Variants in SYT14 observed in about 807,000 individuals in gnomAD.
SYT14 encodes the protein synaptotagmin-14.
In SYT14, 32 loss-of-function variants were observed where a neutral mutation model predicts 74.2. That is an observed-to-expected ratio of 0.43 (90% CI 0.33 to 0.58). The LOEUF (loss-of-function observed/expected upper bound fraction) is 0.58. Among genes scored for constraint, SYT14 ranks in the 20% least tolerant of loss-of-function variants. The probability of loss-of-function intolerance (pLI) is 0.05; values close to 1 mark genes in which losing one functional copy is unlikely to be tolerated. For missense variants in SYT14, 791 were observed against 981.8 expected, an observed-to-expected ratio of 0.81 and a Z score of 2.60; for synonymous variants, 298 against 337.7, an observed-to-expected ratio of 0.88 and a Z score of 1.29.
At chr1:210,107,293 CTT>C (rs1253798695) in intron 7 of SYT14, among the ~76,000 whole-genome samples, 1 of 152,202 alleles carries the variant, frequency 6.6e-6, no homozygotes, top group Non-Finnish European at 1.5e-5. Context: ...GCAACAGTCT[CTT>C]TGTAGATAGA....
chr1:210,086,059 A>G (rs975996579), intron 5 of SYT14, among the ~76,000 whole-genome samples: 1 of 152,184 alleles, frequency 6.6e-6, no homozygotes, highest in Non-Finnish European at 1.5e-5. Context: ...TTTCTGTAAT[A>G]GATAAAAGAT....
chr1:210,013,310 G>A (rs1282445439), intron 2 of SYT14, among the ~76,000 whole-genome samples: 1 of 151,672 alleles, frequency 6.6e-6, no homozygotes. Context: ...GCCTCAAGAG[G>A]TTCTCCCACT....
At chr1:210,100,833 A>T (rs538938468) in intron 7 of SYT14, among the ~76,000 whole-genome samples, 1 of 152,170 alleles carries the variant, frequency 6.6e-6, no homozygotes, top group Non-Finnish European at 1.5e-5. Flanking sequence ...ATTAAGAAGT[A>T]TCAGCCCCAT....
chr1:209,951,482 T>G (rs2078911102), intron 1 of SYT14, among the ~76,000 whole-genome samples: 1 of 152,204 alleles, frequency 6.6e-6, no homozygotes, highest in South Asian at 2.1e-4. Context: ...TTTTTTAGAC[T>G]GCATAGTATT....
intron 2 of SYT14, among the ~76,000 whole-genome samples, chr1:209,982,780 T>C (rs1273781489): frequency 6.6e-6 from 1 of 152,182 alleles, no homozygotes; most frequent in African/African-American, 2.4e-5. Context: ...CAAACTGTCT[T>C]TTAGAGTCGC....
intron 6 of SYT14, among the ~76,000 whole-genome samples, chr1:210,095,388 A>C (rs1305111527): frequency 4.6e-5 from 7 of 152,106 alleles, no homozygotes. Context: ...CAAGTAACTG[A>C]TACTACAGGT....
chr1:210,003,211 A>G (rs186702437), intron 2 of SYT14, among the ~76,000 whole-genome samples: 1 of 152,270 alleles, frequency 6.6e-6, no homozygotes, highest in Admixed American at 6.5e-5. Context: ...CAACTTTGTC[A>G]TACATCAGAA....
intron 5 of SYT14, among the ~76,000 whole-genome samples, chr1:210,087,851 C>T (rs919084240): frequency 1.3e-5 from 2 of 152,170 alleles, no homozygotes; most frequent in African/African-American, 2.4e-5. Context: ...CTTCCTTTGC[C>T]ACCATCAGTG....
At chr1:210,120,002 C>G (rs1218203053) in intron 7 of SYT14, among the ~76,000 whole-genome samples, 2 of 152,182 alleles carry the variant, frequency 1.3e-5, no homozygotes, top group Non-Finnish European at 2.9e-5. Flanking sequence ...ATCCTCTGAT[C>G]TTACAAAAGG....
At chr1:210,019,007 G>A (rs2080246498) in intron 4 of SYT14, among the ~76,000 whole-genome samples, 1 of 151,624 alleles carries the variant, frequency 6.6e-6, no homozygotes, top group Non-Finnish European at 1.5e-5. Context: ...ATGGTGGTGG[G>A]TGCTTATAAT....
At chr1:210,163,534 C>CTTTTT (rs2083415384) in exon 10 of SYT14, 2 of 453,416 alleles carry the variant, frequency 4.4e-6, no homozygotes, top group Non-Finnish European at 8.8e-6. Context: ...GGTGCCCTGG[C>CTTTTT]TTTTTCAGAT....
intron 5 of SYT14, among the ~76,000 whole-genome samples, chr1:210,055,051 A>G (rs1287954257): frequency 6.6e-6 from 1 of 152,170 alleles, no homozygotes; most frequent in Non-Finnish European, 1.5e-5. Context: ...CTTCTAAGGT[A>G]CTAATGCCTT....
intron 7 of SYT14, among the ~76,000 whole-genome samples, chr1:210,149,996 A>T (rs2083125852): frequency 6.6e-6 from 1 of 152,146 alleles, no homozygotes. Flanking sequence ...CACAGTACCC[A>T]GATTTTGGTT....
chr1:210,008,290 T>C (rs923350250), intron 2 of SYT14, among the ~76,000 whole-genome samples: 5 of 152,244 alleles, frequency 3.3e-5, no homozygotes, highest in African/African-American at 1.2e-4. Context: ...ATTTGAGTTA[T>C]TGACTGTATT....
At chr1:210,107,019 A>G (rs1017284027) in intron 7 of SYT14, among the ~76,000 whole-genome samples, 1 of 152,222 alleles carries the variant, frequency 6.6e-6, no homozygotes, top group African/African-American at 2.4e-5. Context: ...AAGTGGGAGA[A>G]ATTGGCCAAA....
At chr1:209,939,736 C>G (rs1427121393) in intron 1 of SYT14, among the ~76,000 whole-genome samples, 8 of 152,302 alleles carry the variant, frequency 5.3e-5, no homozygotes, top group African/African-American at 1.9e-4. Flanking sequence ...CTCTACCACA[C>G]TACCACACTA....
Position 209,994,667 on chromosome 1 carries a change from C to T in SYT14, c.-485-18966C>T, listed in dbSNP as rs931099207. On this transcript the variant is annotated intron_variant, in intron 2 of 9. Transcript: ENST00000637265. ...CCAGCTAGATACTATAGACAGGAAC[C>T]GTCACCAAAGCACATAGCCATCAGA... Among the ~76,000 whole-genome samples, 9 of 152,104 alleles carry T rather than the reference C, an allele frequency of 5.9e-5. 1 individual carries two copies. The highest frequency in any genetic ancestry group is 8.8e-5 in the Non-Finnish European group (6 of 67,996).
At chr1:210,097,399 C>T (rs2081986591) in intron 6 of SYT14, among the ~76,000 whole-genome samples, 1 of 151,926 alleles carries the variant, frequency 6.6e-6, no homozygotes, top group Admixed American at 6.6e-5. Context: ...TGGTCCCATA[C>T]CTTGAAAGGA....
At chr1:210,000,459 C>G (rs2079873361) in intron 2 of SYT14, among the ~76,000 whole-genome samples, 1 of 111,548 alleles carries the variant, frequency 9.0e-6, no homozygotes, top group Non-Finnish European at 1.9e-5. Flanking sequence ...GTCCTTTGTC[C>G]TCATACGCAC....
Sources: allele counts gnomAD v4.1 joint callset (sites outside exome capture counted in the v4.1 genomes callset), GRCh38; gene constraint gnomAD v4.1.1; transcripts MANE v1.5; gene names NCBI Gene and HGNC (gene_info 2026-07-23, HGNC 2026-07-21).